The following PHF11 variants were observed in gnomAD, a reference collection of about 807,000 sequenced individuals.
The protein encoded by PHF11 is PHD finger protein 11, also known as BRCA1 C-terminus-associated protein.
Under a neutral mutation model 40.5 loss-of-function variants are expected in PHF11, and 38 were observed. The observed-to-expected ratio is 0.94, with a 90% CI of 0.72 to 1.23. The LOEUF (loss-of-function observed/expected upper bound fraction) is 1.23, where lower values mean the gene tolerates loss of function less well. Among genes scored for constraint, PHF11 ranks in the 50% most tolerant of loss-of-function variants. PHF11 has a pLI of 0.00. For synonymous variants in PHF11, 127 were observed against 138.2 expected (o/e 0.92, Z 0.57); for missense variants, 369 against 392.4 (o/e 0.94, Z 0.50).
intron 9 of PHF11, chr13:49,527,226 A>C (rs1389495138): frequency 6.6e-6 from 1 of 152,172 alleles, no homozygotes; most frequent in African/African-American, 2.4e-5. Context: ...CCCTCAAGAC[A>C]GGCTACACCT....
At chr13:49,502,622 C>G (rs145049891) in intron 1 of PHF11, among the ~76,000 whole-genome samples, 189 of 152,324 alleles carry the variant, frequency 1.2e-3, no homozygotes, top group African/African-American at 4.2e-3. Flanking sequence ...ATGTTACATT[C>G]GTAAGTCCAG....
In PHF11 at chr13:49,506,265, G is replaced by A. The variant is rs554299845; in HGVS notation, c.95-370G>A. ...AAAAAAAAAAAAATTAGCTGGCTTT[G>A]GTGGCATGCACCTATAGTCCCAGTG... On this transcript the variant is annotated intron_variant, in intron 1 of 9. Transcript: ENST00000378319. Among the ~76,000 whole-genome samples the A allele has an allele frequency of 9.2e-4, 139 of 151,758 alleles. 2 individuals are homozygous for A. The highest frequency in any genetic ancestry group is 3.3e-3 in the African/African-American group (138 of 41,386).
At chr13:49,504,435 G>A (rs1047881897) in intron 1 of PHF11, among the ~76,000 whole-genome samples, 1 of 151,930 alleles carries the variant, frequency 6.6e-6, no homozygotes, top group African/African-American at 2.4e-5. Flanking sequence ...CAACCTGAGT[G>A]ACAGAGCGAG....
chr13:49,496,502 TGAGG>T (rs1446938298), intron 1 of PHF11: 1 of 972,788 alleles, frequency 1.0e-6, no homozygotes, highest in East Asian at 1.1e-4. Context: ...GGGGCGGCCC[TGAGG>T]GAAGAGCTGG....
intron 8 of PHF11, chr13:49,526,058 A>T (rs566294835): frequency 3.0e-6 from 1 of 335,272 alleles, no homozygotes; most frequent in African/African-American, 2.2e-5. Flanking sequence ...AATCCCAACT[A>T]CTTGGGAGGC....
intron 8 of PHF11, chr13:49,526,035 G>A (rs927126987): frequency 1.5e-4 from 49 of 328,144 alleles, no homozygotes; most frequent in South Asian, 4.6e-4. Context: ...CGGGCGTGGC[G>A]GTGCGCGCCT....
At chr13:49,525,097 T>G (rs1198595318) in intron 8 of PHF11, among the ~76,000 whole-genome samples, 1 of 152,218 alleles carries the variant, frequency 6.6e-6, no homozygotes, top group African/African-American at 2.4e-5. Flanking sequence ...TAAATAAGGT[T>G]AACTCAAACT....
At position 49,496,033 on chromosome 13, in the gene PHF11, G is replaced by A. The variant is rs1351034175; in HGVS notation, c.32G>A (p.Arg11Lys). 2 of 1,477,850 alleles carry A rather than the reference G, an allele frequency of 1.4e-6. No individual in the cohort carries two copies. The highest frequency in any genetic ancestry group is 1.5e-5 in the African/African-American group (1 of 68,268). 91.5% of individuals were successfully genotyped at this position (1,477,850 alleles called of 1,614,324 possible). A position where few individuals can be genotyped will look rare whatever the true frequency, so the allele number is the denominator to read the frequency against. Reference sequence around the variant, plus strand: ...CAGGCGTCGCCGCCCCGGCCCGAGAGGGTGCTCGGCGCCAGCAGCCCGGAG... The same window carrying A: ...CAGGCGTCGCCGCCCCGGCCCGAGAAGGTGCTCGGCGCCAGCAGCCCGGAG... MAQASPPRPE[R>K]VLGASSPEAR... Residue 11 changes from arginine to lysine, a missense_variant, in exon 1 of 10, where the codon AGG (arginine) becomes AAG (lysine). Transcript: ENST00000378319.
At position 49,521,142 on chromosome 13, in the gene PHF11, A is replaced by T. The variant is rs556741893; in HGVS notation, c.505+202A>T. 3.9e-6 allele frequency: 5 copies of T among 1,267,018 alleles called. No homozygotes were observed. The African/African-American group carries it at 7.7e-5, about 20-fold the overall frequency. 78.5% of individuals were successfully genotyped at this position (1,267,018 alleles called of 1,614,324 possible). ...TTTTTCTTCTTTATGAACAAGACCT[A>T]TTCTCTTTGAACCATTCCCTGGTAT... On this transcript the variant is annotated intron_variant, in intron 5 of 9. Transcript: ENST00000378319.
chr13:49,506,188 A>G (rs572051519), intron 1 of PHF11, among the ~76,000 whole-genome samples: 11 of 151,870 alleles, frequency 7.2e-5, no homozygotes, highest in Non-Finnish European at 1.5e-4. Context: ...ACTTGAGGCC[A>G]GGAGCTTGAG....
intron 7 of PHF11, chr13:49,523,837 T>C (rs1959205415): frequency 3.6e-6 from 1 of 278,190 alleles, no homozygotes; most frequent in Non-Finnish European, 6.6e-6. Context: ...AGCCTCTTAA[T>C]TCATATAGTT....
chr13:49,506,776 A>C lies in PHF11; in HGVS notation c.216+20A>C. 6.3e-7 allele frequency: 1 copy of C among 1,582,628 alleles called. No individual in the cohort carries two copies. The highest frequency in any genetic ancestry group is 1.1e-5 in the South Asian group (1 of 89,684). The stretch of plus-strand genomic sequence containing the variant: ...TGTTTGGTAAGTTACTTGAAAACAT[A>C]CTTCAAAGTACATGAGTACTTTTAG... On this transcript the variant is annotated intron_variant, in intron 2 of 9. Coordinates refer to ENST00000378319, the MANE Select transcript of PHF11 (RefSeq NM_001040443.3).
intron 1 of PHF11, among the ~76,000 whole-genome samples, chr13:49,501,818 G>A (rs1438956401): frequency 6.6e-6 from 1 of 151,966 alleles, no homozygotes; most frequent in Non-Finnish European, 1.5e-5. Flanking sequence ...AGCCTCCCGA[G>A]TAGCTGGGAT....
At chr13:49,496,151 G>C (rs1476713105) in intron 1 of PHF11, 56 bp downstream of exon 1, 1 of 1,024,854 alleles carries the variant, frequency 9.8e-7, no homozygotes. Context: ...CGACGGGCCC[G>C]GTCAAGGGGC....
intron 8 of PHF11, 75 bp downstream of exon 8, chr13:49,524,291 A>G (rs1190609868): frequency 3.5e-5 from 23 of 656,286 alleles, no homozygotes; most frequent in East Asian, 9.7e-5. Context: ...CAAACCCAAG[A>G]AAAAAAAAAA....
At chr13:49,506,510 C>T in intron 1 of PHF11, 125 bp from the exon 2 acceptor site, 1 of 784,324 alleles carries the variant, frequency 1.3e-6, no homozygotes, top group East Asian at 2.6e-5. Context: ...AATATTTTGT[C>T]TCTCTGGGAA....
At chr13:49,500,220 A>G (rs1448061847) in intron 1 of PHF11, among the ~76,000 whole-genome samples, 1 of 152,176 alleles carries the variant, frequency 6.6e-6, no homozygotes, top group Admixed American at 6.5e-5. Flanking sequence ...GTGAGTCCTC[A>G]GGGTTGCTAA....
intron 5 of PHF11, chr13:49,521,532 A>G (rs1212968620): frequency 1.0e-6 from 1 of 973,136 alleles, no homozygotes; most frequent in Non-Finnish European, 1.2e-6. Flanking sequence ...CACCTCTACA[A>G]TCATTTTTCA....
intron 3 of PHF11, among the ~76,000 whole-genome samples, chr13:49,516,435 G>T (rs552473516): frequency 6.7e-6 from 1 of 149,692 alleles, no homozygotes; most frequent in South Asian, 2.1e-4. Flanking sequence ...TTTTTCTTCT[G>T]TAATTTGCCA....
Sources: allele counts gnomAD v4.1 joint callset (sites outside exome capture counted in the v4.1 genomes callset), GRCh38; gene constraint gnomAD v4.1.1; transcripts MANE v1.5; gene names NCBI Gene and HGNC (gene_info 2026-07-23, HGNC 2026-07-21).